NRIP1: variants seen among roughly 807,000 people sequenced by gnomAD.
The protein encoded by NRIP1 is nuclear receptor-interacting protein 1.
In NRIP1, 28 loss-of-function variants were observed where a neutral mutation model predicts 75.0. The observed-to-expected ratio is 0.37, with a 90% CI of 0.28 to 0.51. NRIP1 has a LOEUF of 0.51. Ranked by LOEUF, NRIP1 falls within the 20% of genes least tolerant of loss-of-function variation. The pLI, the probability that NRIP1 is intolerant of heterozygous loss-of-function variation, is 0.92. For synonymous variants in NRIP1, 526 were observed against 487.6 expected, an observed-to-expected ratio of 1.08 and a Z score of -1.04; for missense variants, 1,435 against 1,343.7, an observed-to-expected ratio of 1.07 and a Z score of -1.06.
At chr21:15,013,583 T>C (rs2088160267) in intron 3 of NRIP1, among the ~76,000 whole-genome samples, 2 of 152,214 alleles carry the variant, frequency 1.3e-5, no homozygotes, top group South Asian at 4.1e-4. Flanking sequence ...CTAGTTCACT[T>C]GGATTTCTCC....
chr21:14,984,892 A>C (rs1340489943), intron 3 of NRIP1, among the ~76,000 whole-genome samples: 1 of 152,222 alleles, frequency 6.6e-6, no homozygotes, highest in Non-Finnish European at 1.5e-5. Context: ...TTTAGCTATA[A>C]GGTATTTTTA....
At chr21:15,050,562 G>A (rs2089179564) in intron 1 of NRIP1, 1 of 363,340 alleles carries the variant, frequency 2.8e-6, no homozygotes, top group South Asian at 2.1e-5. Context: ...TATACTAATG[G>A]CATCGCACTT....
intron 3 of NRIP1, among the ~76,000 whole-genome samples, chr21:14,996,669 C>A (rs2087735928): frequency 6.6e-6 from 1 of 152,076 alleles, no homozygotes; most frequent in South Asian, 2.1e-4. Context: ...ACTATTGCTC[C>A]ATGAGAACAA....
chr21:15,016,460 A>G (rs939719109), intron 2 of NRIP1, among the ~76,000 whole-genome samples: 1 of 152,234 alleles, frequency 6.6e-6, no homozygotes, highest in African/African-American at 2.4e-5. Context: ...CCCGTTATCA[A>G]CATTATCTAC....
At chr21:15,021,837 T>C (rs1298848958) in intron 2 of NRIP1, among the ~76,000 whole-genome samples, 4 of 152,230 alleles carry the variant, frequency 2.6e-5, no homozygotes, top group Non-Finnish European at 5.9e-5. Flanking sequence ...AAAACCATAA[T>C]GAGATAACCA....
chr21:14,991,845 G>A (rs2087581180), intron 3 of NRIP1, among the ~76,000 whole-genome samples: 1 of 152,102 alleles, frequency 6.6e-6, no homozygotes, highest in Non-Finnish European at 1.5e-5. Context: ...ATAAAGATTT[G>A]TCAAAAGACT....
intron 1 of NRIP1, among the ~76,000 whole-genome samples, chr21:15,045,169 G>A (rs1777718601): frequency 6.6e-6 from 1 of 152,076 alleles, no homozygotes; most frequent in Non-Finnish European, 1.5e-5. Flanking sequence ...AGCCTGGTTG[G>A]GTGGTAGGTG....
rs142230232 is a variant in NRIP1 at position 14,973,890 on chromosome 21, G to T, written c.-334-5364C>A. Among the ~76,000 whole-genome samples the T allele has an allele frequency of 1.9e-3, 245 of 130,418 alleles. 1 individual carries two copies. Among genetic ancestry groups the T allele is most frequent in the East Asian group, 0.014 (59 of 4,278 alleles). The allele number at this position is 130,418 out of a possible 152,430, so 85.6% of individuals were successfully genotyped here. ...GTGGAGATGGGGATCTCACAATGTT[G>T]CCAAGGCTCATCTTGAACTCTTAGC... On this transcript the variant is annotated intron_variant, in intron 3 of 3. Coordinates refer to ENST00000318948, the MANE Select transcript of NRIP1 (RefSeq NM_003489.4).
chr21:14,994,267 G>C (rs2087656297), intron 3 of NRIP1, among the ~76,000 whole-genome samples: 1 of 152,136 alleles, frequency 6.6e-6, no homozygotes. Context: ...TGGGATTACA[G>C]GGGTGCACCA....
In NRIP1 at chr21:14,967,835, C is replaced by A; in HGVS notation, c.358G>T (p.Val120Phe). The change falls in exon 4 of 4, where the codon GTT becomes TTT. Residue 120 changes from valine (V) to phenylalanine (F), a missense_variant. By Grantham distance (50) the Val-to-Phe change is conservative (BLOSUM62 -1). Coordinates refer to ENST00000318948, the MANE Select transcript of NRIP1 (RefSeq NM_003489.4). ...TGTTTGCCTTTAGGCACACTGTCAA[C>A]CATGCCAGCTAGCAAAGCTTCCTTC... ...VKKEALLAGM[V>F]DSVPKGKQDS... 6.2e-7 allele frequency: 1 copy of A among 1,614,006 alleles called. No individual in the cohort carries two copies.
chr21:14,971,442 T>C (rs2086900675), intron 3 of NRIP1: 5 of 152,208 alleles, frequency 3.3e-5, no homozygotes, highest in African/African-American at 9.7e-5. Flanking sequence ...AATTGTTTAT[T>C]TCATTTAAAT....
chr21:15,035,422 T>C (rs1288814332), intron 2 of NRIP1, among the ~76,000 whole-genome samples: 1 of 152,178 alleles, frequency 6.6e-6, no homozygotes, highest in Admixed American at 6.5e-5. Context: ...ACAATGTTGC[T>C]ATAAAAATAA....
chr21:14,998,101 C>T (rs988678405), intron 3 of NRIP1, among the ~76,000 whole-genome samples: 2 of 152,144 alleles, frequency 1.3e-5, no homozygotes, highest in Non-Finnish European at 2.9e-5. Context: ...GTCAATTTGG[C>T]TTTCTGATCA....
chr21:15,056,769 T>A (rs1024209770), intron 1 of NRIP1, among the ~76,000 whole-genome samples: 2 of 152,198 alleles, frequency 1.3e-5, no homozygotes, highest in African/African-American at 4.8e-5. Context: ...TTATTATTCA[T>A]CTTTGTGTCT....
intron 2 of NRIP1, among the ~76,000 whole-genome samples, chr21:15,024,800 A>T (rs946603981): frequency 3.3e-5 from 5 of 152,136 alleles, no homozygotes; most frequent in African/African-American, 1.2e-4. Flanking sequence ...TTAAAATTTT[A>T]AAAAATTTAA....
chr21:14,982,459 C>A (rs1158201102), intron 3 of NRIP1, among the ~76,000 whole-genome samples: 4 of 152,080 alleles, frequency 2.6e-5, no homozygotes. Flanking sequence ...CTGTAATAAG[C>A]CCCATTTGTT....
intron 3 of NRIP1, among the ~76,000 whole-genome samples, chr21:14,975,482 G>A (rs937785763): frequency 5.3e-5 from 8 of 151,320 alleles, no homozygotes; most frequent in African/African-American, 9.7e-5. Context: ...GGCTGGGTAC[G>A]GTGGCTAGCC....
intron 3 of NRIP1, among the ~76,000 whole-genome samples, chr21:14,990,946 G>A (rs1389209256): frequency 6.6e-6 from 1 of 152,108 alleles, no homozygotes; most frequent in Non-Finnish European, 1.5e-5. Flanking sequence ...GGTCAGGTAA[G>A]GCCAGTTGTA....
At chr21:14,968,828 A>G (rs892016085) in intron 3 of NRIP1, among the ~76,000 whole-genome samples, 2 of 152,318 alleles carry the variant, frequency 1.3e-5, no homozygotes, top group South Asian at 4.1e-4. Flanking sequence ...CTGAATTTTC[A>G]TAAGCACCTT....
Sources: gnomAD v4.1 joint callset for allele counts (sites outside exome capture counted in the v4.1 genomes callset) on GRCh38, gnomAD v4.1.1 for gene constraint, MANE v1.5 for transcripts, NCBI Gene and HGNC (gene_info 2026-07-23, HGNC 2026-07-21) for gene names.